NRBF2: variants seen among roughly 807,000 people sequenced by gnomAD.
NRBF2 encodes nuclear receptor-binding factor 2.
Under a neutral mutation model 28.5 loss-of-function variants are expected in NRBF2, and 12 were observed. That is an observed-to-expected ratio of 0.42 (90% CI 0.27 to 0.68). The LOEUF is 0.68. Among genes scored for constraint, NRBF2 ranks in the 30% least tolerant of loss-of-function variants. NRBF2 has a pLI of 0.24. For synonymous variants in NRBF2, 102 were observed against 116.5 expected (o/e 0.88, Z 0.80); for missense variants, 274 against 333.5 (o/e 0.82, Z 1.39).
intron 3 of NRBF2, among the ~76,000 whole-genome samples, chr10:63,153,069 G>A (rs1841673900): frequency 6.6e-6 from 1 of 152,158 alleles, no homozygotes; most frequent in African/African-American, 2.4e-5. Flanking sequence ...ATTTCTGTGA[G>A]GTATATCAGT....
intron 2 of NRBF2, among the ~76,000 whole-genome samples, chr10:63,150,800 G>A (rs1332261734): frequency 6.6e-6 from 1 of 152,186 alleles, no homozygotes; most frequent in Non-Finnish European, 1.5e-5. Flanking sequence ...TCTCATCTAG[G>A]GGTGATGGGA....
intron 1 of NRBF2, among the ~76,000 whole-genome samples, chr10:63,138,771 A>G (rs1486340280): frequency 6.6e-6 from 1 of 152,088 alleles, no homozygotes; most frequent in East Asian, 1.9e-4. Context: ...CTTTCCTGGA[A>G]TTCTCCAACA....
At chr10:63,135,286 G>T (rs1841357781) in intron 1 of NRBF2, among the ~76,000 whole-genome samples, 1 of 152,222 alleles carries the variant, frequency 6.6e-6, no homozygotes, top group Non-Finnish European at 1.5e-5. Flanking sequence ...CTTCACAGGA[G>T]TATTACTAGA....
At chr10:63,133,897 G>T (rs968580671) in intron 1 of NRBF2, among the ~76,000 whole-genome samples, 1 of 151,824 alleles carries the variant, frequency 6.6e-6, no homozygotes, top group African/African-American at 2.4e-5. Context: ...TAGCAGCAGG[G>T]TCTGAGTCTG....
In NRBF2 at chr10:63,133,368, G is replaced by A. The variant is rs1841317712; in HGVS notation, c.-103G>A. On this transcript the variant is annotated 5_prime_UTR_variant, in exon 1 of 4. Transcript: ENST00000277746. Reference sequence around the variant, plus strand: ...ATCGCTGGCTCTTGGGGCGCAGAGAGGGGCCGCAGTCTCCGCGGCTGCGTC... The same window carrying A: ...ATCGCTGGCTCTTGGGGCGCAGAGAAGGGCCGCAGTCTCCGCGGCTGCGTC... 2 of 1,367,796 alleles carry A rather than the reference G, an allele frequency of 1.5e-6. No homozygotes were observed. The highest frequency in any genetic ancestry group is 1.0e-6 in the Non-Finnish European group (1 of 977,130). The allele number at this position is 1,367,796 out of a possible 1,614,324, so 84.7% of individuals were successfully genotyped here.
intron 2 of NRBF2, among the ~76,000 whole-genome samples, chr10:63,151,625 A>G (rs558953645): frequency 6.6e-6 from 1 of 152,344 alleles, no homozygotes; most frequent in South Asian, 2.1e-4. Flanking sequence ...GTCTTCATAA[A>G]TGACATTATA....
intron 1 of NRBF2, among the ~76,000 whole-genome samples, chr10:63,135,206 T>C (rs897850045): frequency 6.6e-6 from 1 of 152,178 alleles, no homozygotes; most frequent in Non-Finnish European, 1.5e-5. Context: ...GGGAACTGTC[T>C]TGCACTTTTC....
chr10:63,142,306 T>TG (rs1230866901), intron 1 of NRBF2, among the ~76,000 whole-genome samples: 9 of 149,476 alleles, frequency 6.0e-5, no homozygotes, highest in Admixed American at 4.0e-4. Flanking sequence ...TTTTTTGTTT[T>TG]TTTTGTTTTT....
intron 2 of NRBF2, among the ~76,000 whole-genome samples, chr10:63,149,889 A>G (rs1324361141): frequency 6.6e-6 from 1 of 152,172 alleles, no homozygotes; most frequent in Admixed American, 6.5e-5. Context: ...GTCTAAGAAA[A>G]TGTGTCTACA....
chr10:63,146,385 T>TA (rs1428555775), intron 2 of NRBF2, 92 bp downstream of exon 2: 85 of 798,608 alleles, frequency 1.1e-4, no homozygotes, highest in Non-Finnish European at 1.6e-4. Context: ...GCAAGACTGA[T>TA]ACTGCTGACC....
At chr10:63,151,056 C>T (rs1182394114) in intron 2 of NRBF2, among the ~76,000 whole-genome samples, 1 of 152,168 alleles carries the variant, frequency 6.6e-6, no homozygotes, top group African/African-American at 2.4e-5. Context: ...AAGACATAGA[C>T]CAGTACCGGC....
intron 1 of NRBF2, among the ~76,000 whole-genome samples, chr10:63,141,013 T>C (rs1443308066): frequency 6.6e-6 from 1 of 152,216 alleles, no homozygotes; most frequent in African/African-American, 2.4e-5. Flanking sequence ...CCTAGTGCTT[T>C]TAATGGCTGT....
At chr10:63,135,549 C>A (rs1351159545) in intron 1 of NRBF2, among the ~76,000 whole-genome samples, 4 of 151,764 alleles carry the variant, frequency 2.6e-5, no homozygotes, top group Non-Finnish European at 5.9e-5. Context: ...TAAAACGGAG[C>A]GAGTTTCGAC....
At chr10:63,134,040 C>T (rs1841336581) in intron 1 of NRBF2, among the ~76,000 whole-genome samples, 1 of 150,536 alleles carries the variant, frequency 6.6e-6, no homozygotes, top group South Asian at 2.1e-4. Flanking sequence ...TCATTTCTCA[C>T]ATACATTCAC....
chr10:63,142,780 C>CTCTTTTTTT (rs1841494259), intron 1 of NRBF2, among the ~76,000 whole-genome samples: 1 of 74,900 alleles, frequency 1.3e-5, no homozygotes, highest in African/African-American at 5.8e-5. Flanking sequence ...TTCTTTCTTT[C>CTCTTTTTTT]TTTTTTTTTT....
intron 1 of NRBF2, among the ~76,000 whole-genome samples, chr10:63,144,792 A>T (rs1841534060): frequency 6.6e-6 from 1 of 152,144 alleles, no homozygotes; most frequent in Admixed American, 6.6e-5. Flanking sequence ...CTGTTGATGG[A>T]CATCTGGATT....
intron 1 of NRBF2, among the ~76,000 whole-genome samples, chr10:63,140,162 T>C (rs751610706): frequency 1.2e-4 from 18 of 151,938 alleles, no homozygotes; most frequent in Non-Finnish European, 2.5e-4. Flanking sequence ...AAGGAAATCA[T>C]AAGGAAGAGA....
chr10:63,137,200 C>T (rs1841390663), intron 1 of NRBF2, among the ~76,000 whole-genome samples: 1 of 152,202 alleles, frequency 6.6e-6, no homozygotes, highest in Non-Finnish European at 1.5e-5. Flanking sequence ...GTCTTGAACT[C>T]CTGGCCTCAA....
intron 2 of NRBF2, among the ~76,000 whole-genome samples, chr10:63,149,536 A>T (rs1180630172): frequency 6.6e-6 from 1 of 152,222 alleles, no homozygotes; most frequent in African/African-American, 2.4e-5. Context: ...CTGTGTTGCT[A>T]TACTTTTGTT....
Sources: gnomAD v4.1 joint callset for allele counts (sites outside exome capture counted in the v4.1 genomes callset) on GRCh38, gnomAD v4.1.1 for gene constraint, MANE v1.5 for transcripts, NCBI Gene and HGNC (gene_info 2026-07-23, HGNC 2026-07-21) for gene names.